The following TRPM1 variants were observed in gnomAD, a reference collection of about 807,000 sequenced individuals.
The protein encoded by TRPM1 is transient receptor potential cation channel subfamily M member 1, also known as TRPM1-203 APA Isoform, Intron 10.
TRPM1 carries 113 observed loss-of-function variants against 149.4 expected under a neutral mutation model. That is an observed-to-expected ratio of 0.76 (90% CI 0.65 to 0.88). The LOEUF is 0.88. Ranked by LOEUF, TRPM1 falls within the 40% of genes least tolerant of loss-of-function variation. The pLI is 0.00. For synonymous variants in TRPM1, 741 were observed against 759.5 expected, an observed-to-expected ratio of 0.98 and a Z score of 0.40; for missense variants, 1,976 against 2,038.7, an observed-to-expected ratio of 0.97 and a Z score of 0.59.
chr15:31,013,564 C>T (rs1255034244), intron 27 of TRPM1, among the ~76,000 whole-genome samples: 2 of 151,956 alleles, frequency 1.3e-5, no homozygotes, highest in East Asian at 1.9e-4. Context: ...TAAGATTGTC[C>T]TTTTTCCTGT....
chr15:31,091,651 C>T lies in TRPM1; in HGVS notation c.-84+10006G>A, dbSNP rs58628755. Among the ~76,000 whole-genome samples, 807 of 152,140 alleles carry T rather than the reference C, an allele frequency of 5.3e-3. 7 individuals carry two copies. The highest frequency in any genetic ancestry group is 0.018 in the African/African-American group (756 of 41,500). On this transcript the variant is annotated intron_variant, in intron 1 of 27. Coordinates refer to ENST00000256552, the MANE Select transcript of TRPM1 (RefSeq NM_001252024.2). ...AAGGAGTGGCACTTGGTGGTGAGGGCGGGAGAACCCCCCAAAGAGGTTCAC... is the reference window on the plus strand; with the variant it reads ...AAGGAGTGGCACTTGGTGGTGAGGGTGGGAGAACCCCCCAAAGAGGTTCAC...
At chr15:31,068,185 C>T in intron 4 of TRPM1, 93 bp from the exon 5 acceptor site, 2 of 1,157,844 alleles carry the variant, frequency 1.7e-6, no homozygotes, top group Non-Finnish European at 2.6e-6. Context: ...CAAGCAAGAA[C>T]TGCCTGGCTT....
At chr15:31,142,998 G>A (rs577336061) in intron 1 of TRPM1, among the ~76,000 whole-genome samples, 3 of 152,186 alleles carry the variant, frequency 2.0e-5, no homozygotes, top group Non-Finnish European at 4.4e-5. Context: ...CCTGTCAATT[G>A]CATCCTTTCT....
intron 18 of TRPM1, among the ~76,000 whole-genome samples, chr15:31,039,503 C>T (rs1489869193): frequency 6.6e-6 from 1 of 152,162 alleles, no homozygotes; most frequent in East Asian, 1.9e-4. Context: ...AGATATAATA[C>T]TGCCATTAGA....
intron 1 of TRPM1, among the ~76,000 whole-genome samples, chr15:31,153,305 C>T (rs2036327177): frequency 6.6e-6 from 1 of 152,160 alleles, no homozygotes; most frequent in South Asian, 2.1e-4. Context: ...TATTTTAACC[C>T]AGACACTCCT....
In TRPM1 at chr15:31,049,485, G is replaced by C; in HGVS notation, c.1462C>G (p.Leu488Val). 6.2e-7 allele frequency: 1 copy of C among 1,614,076 alleles called. No individual in the cohort carries two copies. Among genetic ancestry groups the C allele is most frequent in the South Asian group, 1.1e-5 (1 of 91,078 alleles). ...ACACGATCTAAGACTAAAGCATCTA[G>C]CATCGCTTGCTCCAAAGCATTCACC... ...NWVNALEQAM[L>V]DALVLDRVDF... Residue 488 changes from leucine to valine, a missense_variant, in exon 13 of 28, where the codon CTA (leucine) becomes GTA (valine). Transcript: ENST00000256552.
intron 1 of TRPM1, among the ~76,000 whole-genome samples, chr15:31,113,377 C>T (rs375889244): frequency 1.3e-5 from 2 of 151,888 alleles, no homozygotes; most frequent in African/African-American, 4.8e-5. Flanking sequence ...TCACAACCAA[C>T]GGGGTTCTCC....
intron 1 of TRPM1, among the ~76,000 whole-genome samples, chr15:31,131,393 A>T (rs926106819): frequency 1.3e-5 from 2 of 152,246 alleles, no homozygotes; most frequent in Non-Finnish European, 2.9e-5. Context: ...TTAGTTTGCT[A>T]AGATCTACAG....
At chr15:31,086,878 C>T (rs1464686133) in intron 1 of TRPM1, among the ~76,000 whole-genome samples, 4 of 152,076 alleles carry the variant, frequency 2.6e-5, no homozygotes, top group African/African-American at 9.7e-5. Flanking sequence ...CCTTACAACC[C>T]AATAACAGCA....
intron 1 of TRPM1, among the ~76,000 whole-genome samples, chr15:31,150,479 C>T (rs1383889991): frequency 6.8e-6 from 1 of 146,772 alleles, no homozygotes; most frequent in African/African-American, 2.5e-5. Flanking sequence ...CTCTGTCACC[C>T]AGGCTGGCGT....
At chr15:31,036,887 A>T (rs1193870145) in intron 20 of TRPM1, among the ~76,000 whole-genome samples, 1 of 152,080 alleles carries the variant, frequency 6.6e-6, no homozygotes, top group Admixed American at 6.5e-5. Flanking sequence ...ACCCTCATTC[A>T]TCGCCCAGAC....
chr15:31,087,371 G>A (rs1051151363), intron 1 of TRPM1, among the ~76,000 whole-genome samples: 1 of 145,718 alleles, frequency 6.9e-6, no homozygotes, highest in African/African-American at 2.5e-5. Context: ...CAGCCTCCAT[G>A]TAGTCCTGTA....
chr15:31,109,207 G>A (rs1477447659), intron 1 of TRPM1, among the ~76,000 whole-genome samples: 4 of 151,858 alleles, frequency 2.6e-5, no homozygotes, highest in African/African-American at 7.3e-5. Flanking sequence ...GGTGGCTCAC[G>A]CCTGTAATCC....
chr15:31,073,931 G>T (rs984348745), intron 3 of TRPM1, among the ~76,000 whole-genome samples: 19 of 151,978 alleles, frequency 1.3e-4, no homozygotes, highest in African/African-American at 4.1e-4. Flanking sequence ...TTTTATCCAA[G>T]TCTTTTGCTG....
rs372026413 is a variant in TRPM1, at chr15:31,028,229, A to G, written c.3293+103T>C. On this transcript the variant is annotated intron_variant, in intron 25 of 27. Transcript: ENST00000256552. ...GGATCTACTTAAAAACCCTAATGAA[A>G]TTATCTGCAAATATATTGGTATCTT... 2.1e-5 allele frequency: 32 copies of G among 1,488,376 alleles called. No individual in the cohort carries two copies. The East Asian group carries it at 2.3e-4, about 11-fold the overall frequency. The allele number at this position is 1,488,376 out of a possible 1,614,324, so 92.2% of individuals were successfully genotyped here.
In TRPM1 at chr15:31,016,229, C is replaced by G. The variant is rs547196173; in HGVS notation, c.3629+9910G>C. Among the ~76,000 whole-genome samples, 36 of 152,288 alleles carry G rather than the reference C, an allele frequency of 2.4e-4. 1 individual carries two copies. The South Asian group carries it at 7.5e-3, about 32-fold the overall frequency. ...AATAATATTCACTTTACAAAATATG[C>G]CAATACCCTCAAATATTTCAAATCA... On this transcript the variant is annotated intron_variant, in intron 27 of 27. Coordinates refer to ENST00000256552, the MANE Select transcript of TRPM1 (RefSeq NM_001252024.2).
At position 31,060,223 on chromosome 15, in the gene TRPM1, G is replaced by A. The variant is rs571191191; in HGVS notation, c.1263+321C>T. 14 of 418,930 alleles carry A rather than the reference G, an allele frequency of 3.3e-5. No individual in the cohort carries two copies. In the East Asian group the frequency reaches 5.4e-4, roughly 16 times the overall value. 26.0% of individuals were successfully genotyped at this position (418,930 alleles called of 1,614,324 possible). On this transcript the variant is annotated intron_variant, in intron 11 of 27. Transcript: ENST00000256552. ...AGTTTGAAAAATCATTGCCCTGGAT[G>A]GAAGCATTGCATTAAATTTTAATAA... is the stretch of plus-strand genomic sequence containing the variant.
intron 22 of TRPM1, among the ~76,000 whole-genome samples, chr15:31,032,192 C>T (rs2140911433): frequency 6.6e-6 from 1 of 152,054 alleles, no homozygotes; most frequent in Middle Eastern, 3.4e-3. Context: ...TTGATGTTCT[C>T]TTATGTCCTG....
intron 1 of TRPM1, among the ~76,000 whole-genome samples, chr15:31,088,590 A>G (rs888382980): frequency 2.0e-5 from 3 of 152,240 alleles, no homozygotes; most frequent in African/African-American, 7.2e-5. Context: ...AGCAAGGCCA[A>G]GAACCCACCG....
Sources: allele counts gnomAD v4.1 joint callset (sites outside exome capture counted in the v4.1 genomes callset), GRCh38; gene constraint gnomAD v4.1.1; transcripts MANE v1.5; gene names NCBI Gene and HGNC (gene_info 2026-07-23, HGNC 2026-07-21).